Variants in BNC2 observed in about 807,000 individuals in gnomAD.
BNC2 encodes zinc finger protein basonuclin-2.
Under a neutral mutation model 76.3 loss-of-function variants are expected in BNC2, and 20 were observed. The ratio of observed to expected loss-of-function variants is 0.26; its 90% CI spans 0.18 to 0.38. The LOEUF is 0.38. Ranked by LOEUF, BNC2 falls within the 10% of genes least tolerant of loss-of-function variation. The pLI is 1.00. For synonymous variants in BNC2, 582 were observed against 514.8 expected (o/e 1.13, Z -1.77); for missense variants, 1,382 against 1,399.8 (o/e 0.99, Z 0.20).
At chr9:16,748,817 T>C (rs1223554218) in intron 1 of BNC2, among the ~76,000 whole-genome samples, 1 of 112,392 alleles carries the variant, frequency 8.9e-6, no homozygotes, top group Non-Finnish European at 1.6e-5. Context: ...CACTCCAGCC[T>C]GGGCAACAGA....
At chr9:16,476,824 C>A (rs761073101) in intron 5 of BNC2, among the ~76,000 whole-genome samples, 2 of 152,150 alleles carry the variant, frequency 1.3e-5, no homozygotes, top group Non-Finnish European at 2.9e-5. Context: ...ACAAGGTGAT[C>A]ATTCCTGAAA....
intron 5 of BNC2, among the ~76,000 whole-genome samples, chr9:16,453,277 T>C (rs1334965551): frequency 6.6e-6 from 1 of 152,132 alleles, no homozygotes. Context: ...TTGTCTAATA[T>C]CATGAAGTGA....
chr9:16,544,770 A>G (rs1054375913), intron 5 of BNC2, among the ~76,000 whole-genome samples: 2 of 150,940 alleles, frequency 1.3e-5, no homozygotes, highest in African/African-American at 4.9e-5. Flanking sequence ...AGATCATGTC[A>G]CTGCACTCCA....
intron 1 of BNC2, among the ~76,000 whole-genome samples, chr9:16,795,287 C>T (rs1817615236): frequency 6.6e-6 from 1 of 151,932 alleles, no homozygotes. Flanking sequence ...CCACATGTGA[C>T]CGGTCTTTCT....
At chr9:16,627,092 C>T (rs768818373) in intron 3 of BNC2, among the ~76,000 whole-genome samples, 3 of 152,124 alleles carry the variant, frequency 2.0e-5, no homozygotes, top group Non-Finnish European at 4.4e-5. Flanking sequence ...ATCCTGCAGC[C>T]AGTTGAGCTA....
At chr9:16,609,527 G>A (rs1045586463) in intron 3 of BNC2, among the ~76,000 whole-genome samples, 1 of 152,104 alleles carries the variant, frequency 6.6e-6, no homozygotes, top group Admixed American at 6.6e-5. Flanking sequence ...CTAAAACTGT[G>A]TCCAGCCTGC....
chr9:16,796,595 A>AGGAAG (rs751987028), intron 1 of BNC2, among the ~76,000 whole-genome samples: 20 of 151,060 alleles, frequency 1.3e-4, no homozygotes, highest in Admixed American at 1.1e-3. Flanking sequence ...AGAAAAGGAA[A>AGGAAG]GGAAGGGAAG....
Position 16,436,692 on chromosome 9 carries a change from A to G in BNC2, c.1502T>C (p.Met501Thr), listed in dbSNP as rs1474130756. 1 of 1,614,136 alleles carries G rather than the reference A, an allele frequency of 6.2e-7. No homozygotes were observed. Among genetic ancestry groups the G allele is most frequent in the Non-Finnish European group, 8.5e-7 (1 of 1,180,026 alleles). Residue 501 changes from methionine to threonine, a missense_variant, in exon 6 of 7, where the codon ATG becomes ACG. By Grantham distance (81) the Met-to-Thr change is moderately conservative. Transcript: ENST00000380672. ...ANPNPRLHMP[M>T]LRNNRDKDLI... Reference sequence around the variant, plus strand: ...ATCTTTATCTCGGTTATTCCTTAGCATAGGCATGTGAAGGCGAGGATTGGG... The same window carrying G: ...ATCTTTATCTCGGTTATTCCTTAGCGTAGGCATGTGAAGGCGAGGATTGGG...
In BNC2 at chr9:16,436,446, A is replaced by ACCATTTCCC; in HGVS notation, c.1739_1747dup (p.Gly580_Met582dup). The ACCATTTCCC allele has an allele frequency of 6.2e-7, 1 of 1,614,034 alleles. No individual in the cohort carries two copies. Among genetic ancestry groups the ACCATTTCCC allele is most frequent in the African/African-American group, 1.3e-5 (1 of 75,012 alleles). ...GGTTGGGAGGGAGGTTGGAGGACTC[A>ACCATTTCCC]CCATTTCCCCTGGAGTGAGTAAACT... On this transcript the variant is annotated inframe_insertion, in exon 6 of 7. Coordinates refer to ENST00000380672, the MANE Select transcript of BNC2 (RefSeq NM_017637.6).
intron 3 of BNC2, among the ~76,000 whole-genome samples, chr9:16,670,464 G>A (rs964759480): frequency 6.6e-6 from 1 of 152,120 alleles, no homozygotes; most frequent in Non-Finnish European, 1.5e-5. Flanking sequence ...ACAAGCATGA[G>A]CCACTGTATC....
intron 3 of BNC2, among the ~76,000 whole-genome samples, chr9:16,710,484 G>A (rs918598083): frequency 6.6e-6 from 1 of 152,188 alleles, no homozygotes; most frequent in Non-Finnish European, 1.5e-5. Flanking sequence ...GGAATTTCCT[G>A]GTTCATGACC....
chr9:16,522,652 TAA>T (rs1234119765), intron 5 of BNC2, among the ~76,000 whole-genome samples: 1 of 152,218 alleles, frequency 6.6e-6, no homozygotes, highest in Non-Finnish European at 1.5e-5. Context: ...TGAAGCTTTT[TAA>T]AAGAGTTTTA....
rs773633767 is a variant in BNC2 at position 16,587,367 on chromosome 9, T to G, written c.331-4282A>C. The stretch of plus-strand genomic sequence containing the variant: ...TAGCTGGGACTACAGGCGTGCACCA[T>G]CACGTTGAGCTAAGAATCCTGAGCT... On this transcript the variant is annotated intron_variant, in intron 3 of 6. Transcript: ENST00000380672. 2.0e-4 allele frequency among the ~76,000 whole-genome samples: 31 copies of G among 151,894 alleles called. 1 individual carries two copies. Among genetic ancestry groups the G allele is most frequent in the Admixed American group, 2.0e-3 (31 of 15,232 alleles).
chr9:16,614,655 T>A (rs202058997), intron 3 of BNC2, among the ~76,000 whole-genome samples: 2 of 150,974 alleles, frequency 1.3e-5, no homozygotes, highest in African/African-American at 2.4e-5. Flanking sequence ...TGCATGAAGT[T>A]AAAAAAAATG....
intron 1 of BNC2, among the ~76,000 whole-genome samples, chr9:16,790,816 GCT>G (rs1491346763): frequency 2.4e-3 from 77 of 31,956 alleles, no homozygotes; most frequent in Middle Eastern, 0.019. Context: ...CCCTTGGTAA[GCT>G]TTTTTTTTTT....
intron 5 of BNC2, among the ~76,000 whole-genome samples, chr9:16,482,585 C>T (rs1822080837): frequency 6.6e-6 from 1 of 152,210 alleles, no homozygotes; most frequent in South Asian, 2.1e-4. Flanking sequence ...CTCGTTTCTA[C>T]ATACTCATAG....
At chr9:16,532,041 C>CTT (rs34096384) in intron 5 of BNC2, among the ~76,000 whole-genome samples, 9 of 147,746 alleles carry the variant, frequency 6.1e-5, no homozygotes, top group South Asian at 2.2e-4. Flanking sequence ...GATTTAAGTT[C>CTT]TTTTTTTTTT....
At chr9:16,727,312 C>G (rs1824366860) in intron 3 of BNC2, 1 of 165,980 alleles carries the variant, frequency 6.0e-6, no homozygotes, top group South Asian at 1.6e-4. Flanking sequence ...TCTCTCTTCT[C>G]AGGTCTGAAC....
chr9:16,639,939 C>T (rs890325851), intron 3 of BNC2, among the ~76,000 whole-genome samples: 1 of 151,960 alleles, frequency 6.6e-6, no homozygotes, highest in African/African-American at 2.4e-5. Flanking sequence ...AAAAAAATCT[C>T]CAAAGTGGAT....
Sources: gnomAD v4.1 joint callset for allele counts (sites outside exome capture counted in the v4.1 genomes callset) on GRCh38, gnomAD v4.1.1 for gene constraint, MANE v1.5 for transcripts, NCBI Gene and HGNC (gene_info 2026-07-23, HGNC 2026-07-21) for gene names.